Variants in LPA observed in about 807,000 individuals in gnomAD.
The protein encoded by LPA is lipoprotein(a), also known as apolipoprotein(a).
LPA carries 199 observed loss-of-function variants against 197.9 expected under a neutral mutation model. The ratio of observed to expected loss-of-function variants is 1.01; its 90% confidence interval spans 0.90 to 1.13. The LOEUF is 1.13. Among genes scored for constraint, LPA ranks in the 50% most tolerant of loss-of-function variants. The probability of loss-of-function intolerance (pLI) is 0.00; values close to 1 mark genes in which losing one functional copy is unlikely to be tolerated. For synonymous variants in LPA, 715 were observed against 639.5 expected (o/e 1.12, Z -1.78); for missense variants, 1,853 against 1,785.8 (o/e 1.04, Z -0.68).
At chr6:160,577,387 T>C in intron 27 of LPA, 92 bp from the exon 28 acceptor site, 1 of 1,185,648 alleles carries the variant, frequency 8.4e-7, no homozygotes, top group Non-Finnish European at 1.2e-6. Flanking sequence ...CAGTAGCCTC[T>C]GAAAATTATT....
rs764783751 is a variant in LPA, at chr6:160,601,017, C to CCACCTGACA, written c.3018_3026dup (p.Arg1008_Trp1009insCysValArg). 33 of 1,614,064 alleles carry CCACCTGACA rather than the reference C, an allele frequency of 2.0e-5. No individual in the cohort carries two copies. In the East Asian group the frequency reaches 7.1e-4, roughly 35 times the overall value. ...AGCATCGTGTCAGGTTGCAGTACTCCCACCTGACACTGGGATCTGTTGTAT... is the reference window on the plus strand; with the variant it reads ...AGCATCGTGTCAGGTTGCAGTACTCCCACCTGACACACCTGACACTGGGATCTGTTGTAT... On this transcript the variant is annotated inframe_insertion, in exon 19 of 39. Transcript: ENST00000316300.
rs373073839 is a variant in LPA at position 160,537,954 on chromosome 6, C to T, written c.5743G>A (p.Val1915Ile). 78 of 1,614,112 alleles carry T rather than the reference C, an allele frequency of 4.8e-5. No individual in the cohort carries two copies. The East Asian group carries it at 6.2e-4, about 13-fold the overall frequency. Residue 1915 changes from valine (V) to isoleucine (I), a missense_variant, in exon 37 of 39, where the codon GTC becomes ATC. Coordinates refer to ENST00000316300, the MANE Select transcript of LPA (RefSeq NM_005577.4). ...IALLKLSRPA[V>I]ITDKVMPACL... ...GCTGGCATTACTTTGTCAGTGATGA[C>T]GGCAGGCCTGTAAGGAAAGTATTAG...
At chr6:160,548,145 T>A (rs1379281992) in intron 31 of LPA, among the ~76,000 whole-genome samples, 1 of 152,118 alleles carries the variant, frequency 6.6e-6, no homozygotes. Flanking sequence ...TTGGAAATAA[T>A]CACACAGTTG....
intron 16 of LPA, among the ~76,000 whole-genome samples, chr6:160,607,493 C>A (rs1487640485): frequency 1.3e-5 from 2 of 152,128 alleles, no homozygotes; most frequent in African/African-American, 4.8e-5. Flanking sequence ...ACTAAGAGAT[C>A]TGAAGAGGTC....
At chr6:160,654,050 A>AAT (rs1398874064) in intron 1 of LPA, among the ~76,000 whole-genome samples, 812 of 8,300 alleles carry the variant, frequency 0.098, 113 homozygotes, top group African/African-American at 0.2. Flanking sequence ...TATAATATAT[A>AAT]ATATATTATA....
At chr6:160,599,730 C>G in intron 19 of LPA, 71 bp from the exon 20 acceptor site, 1 of 1,548,744 alleles carries the variant, frequency 6.5e-7, no homozygotes, top group Non-Finnish European at 8.9e-7. Flanking sequence ...CCATTTATGA[C>G]ATAAACCAAA....
rs1780050910 is a variant in LPA at position 160,653,940 on chromosome 6, TTTATATATATTATATA to T, written c.50-3459_50-3444del. ...CAGAACTAATAGGATATATATATAT[TTTATATATATTATATA>T]TAATATATATTATATATAATATATA... On this transcript the variant is annotated intron_variant, in intron 1 of 38. Transcript: ENST00000316300. Among the ~76,000 whole-genome samples, 4 of 28,430 alleles carry T rather than the reference TTTATATATATTATATA, an allele frequency of 1.4e-4. 1 individual carries two copies. The South Asian group carries it at 3.3e-3, about 23-fold the overall frequency. The allele number at this position is 28,430 out of a possible 152,430, so 18.7% of individuals were successfully genotyped here.
At chr6:160,560,123 C>T (rs149156535) in intron 28 of LPA, among the ~76,000 whole-genome samples, 1,741 of 152,266 alleles carry the variant, frequency 0.011, 39 homozygotes, top group African/African-American at 0.04. Flanking sequence ...ATGAACTCAT[C>T]CTGTTTTATG....
intron 1 of LPA, among the ~76,000 whole-genome samples, chr6:160,653,997 T>A (rs190539855): frequency 0.039 from 423 of 10,780 alleles, 41 homozygotes; most frequent in African/African-American, 0.19. Flanking sequence ...TAATATATAT[T>A]ATATATAATA....
intron 1 of LPA, among the ~76,000 whole-genome samples, chr6:160,654,084 TATATATTATATATA>T (rs1780085975): frequency 6.8e-5 from 3 of 44,248 alleles, no homozygotes; most frequent in Non-Finnish European, 1.2e-4. Context: ...ATATATATTA[TATATATTATATATA>T]ATATAATATA....
At chr6:160,562,185 TATG>T (rs1365366073) in intron 28 of LPA, among the ~76,000 whole-genome samples, 1 of 152,228 alleles carries the variant, frequency 6.6e-6, no homozygotes, top group Non-Finnish European at 1.5e-5. Context: ...GCTCATTCAG[TATG>T]ATATTGGCTA....
intron 1 of LPA, among the ~76,000 whole-genome samples, chr6:160,651,819 A>G (rs1479975270): frequency 2.6e-5 from 4 of 152,144 alleles, no homozygotes; most frequent in Admixed American, 2.0e-4. Flanking sequence ...TAGGGGGAGA[A>G]TTTCAGCAAA....
At chr6:160,561,323 A>G (rs1488910512) in intron 28 of LPA, among the ~76,000 whole-genome samples, 1 of 152,234 alleles carries the variant, frequency 6.6e-6, no homozygotes, top group African/African-American at 2.4e-5. Context: ...TTAAATAGGG[A>G]ATCCTTTCCC....
chr6:160,576,394 A>ATACATATATATATATATATATATGTG (rs1778672608), intron 28 of LPA, among the ~76,000 whole-genome samples: 2 of 53,778 alleles, frequency 3.7e-5, no homozygotes, highest in Non-Finnish European at 9.3e-5. Flanking sequence ...ATATATGTAT[A>ATACATATATATATATATATATATGTG]TATATATATA....
In LPA at chr6:160,531,826, G is replaced by T; in HGVS notation, c.6026C>A (p.Ser2009Tyr). 6.2e-7 allele frequency: 1 copy of T among 1,614,118 alleles called. No individual in the cohort carries two copies. The part of the protein sequence containing the change: ...KDKYILQGVT[S>Y]WGLGCARPNK... ...GGGGCGTGCACAGCCAAGACCCCAA[G>T]AAGTGACTCCTTGTAAAATGTATTT... is the stretch of plus-strand genomic sequence containing the variant. The change falls in exon 39 of 39, where the codon TCT becomes TAT. Residue 2009 changes from serine (S) to tyrosine (Y), a missense_variant. By Grantham distance (144) the Ser-to-Tyr change is moderately radical (BLOSUM62 -2). Coordinates refer to ENST00000316300, the MANE Select transcript of LPA (RefSeq NM_005577.4).
At chr6:160,610,448 C>A (rs926122171) in intron 16 of LPA, among the ~76,000 whole-genome samples, 8 of 152,176 alleles carry the variant, frequency 5.3e-5, no homozygotes, top group African/African-American at 1.9e-4. Context: ...ACTCTCTCAT[C>A]TAGCTGGTAA....
At chr6:160,650,190 T>A (rs1285591743) in intron 2 of LPA, 148 bp downstream of exon 2, 38 of 759,608 alleles carry the variant, frequency 5.0e-5, no homozygotes, top group South Asian at 4.6e-4. Context: ...TATCATACTC[T>A]TTGCTCAAAG....
intron 18 of LPA, among the ~76,000 whole-genome samples, chr6:160,601,472 A>G (rs1014638033): frequency 3.9e-5 from 6 of 152,158 alleles, no homozygotes; most frequent in African/African-American, 1.4e-4. Context: ...TGCACATACA[A>G]AAGTATCTCT....
chr6:160,595,640 A>C, intron 20 of LPA, 105 bp from the exon 21 acceptor site: 3 of 1,493,058 alleles, frequency 2.0e-6, no homozygotes, highest in Non-Finnish European at 1.8e-6. Flanking sequence ...GAGACTTTGA[A>C]ATATTTTCAC....
Sources: gnomAD v4.1 joint callset for allele counts (sites outside exome capture counted in the v4.1 genomes callset) on GRCh38, gnomAD v4.1.1 for gene constraint, MANE v1.5 for transcripts, NCBI Gene and HGNC (gene_info 2026-07-23, HGNC 2026-07-21) for gene names.